Variants in ACO1 observed in about 807,000 individuals in gnomAD.
ACO1 encodes the protein cytoplasmic aconitate hydratase.
Under a neutral mutation model 105.1 loss-of-function variants are expected in ACO1, and 78 were observed. That is an observed-to-expected ratio of 0.74 (90% confidence interval 0.62 to 0.90). The LOEUF (loss-of-function observed/expected upper bound fraction) is 0.90. ACO1 is among the 40% of genes least tolerant of loss of function. The pLI, the probability that ACO1 is intolerant of heterozygous loss-of-function variation, is 0.00. For synonymous variants in ACO1, 364 were observed against 397.4 expected (o/e 0.92, Z 1.00); for missense variants, 965 against 1,111.1 (o/e 0.87, Z 1.87).
In ACO1 at chr9:32,445,010, G is replaced by A. The variant is rs567786431; in HGVS notation, c.2371-3886G>A. ...AGCTTTTTGATATGCTGCTGGATTCGGTTTTCCAGTATTTTATTGAGGATT... is the reference window on the plus strand; with the variant it reads ...AGCTTTTTGATATGCTGCTGGATTCAGTTTTCCAGTATTTTATTGAGGATT... On this transcript the variant is annotated intron_variant, in intron 19 of 20. Transcript: ENST00000309951. Among the ~76,000 whole-genome samples, 17 of 152,238 alleles carry A rather than the reference G, an allele frequency of 1.1e-4. No homozygotes were observed. The East Asian group carries it at 1.7e-3, about 16-fold the overall frequency.
At chr9:32,443,532 T>G (rs1197490129) in intron 19 of ACO1, among the ~76,000 whole-genome samples, 1 of 152,188 alleles carries the variant, frequency 6.6e-6, no homozygotes, top group African/African-American at 2.4e-5. Flanking sequence ...AATAAAAAGT[T>G]TACTTAAAGC....
At chr9:32,402,080 A>T (rs943587461) in intron 1 of ACO1, among the ~76,000 whole-genome samples, 5 of 152,224 alleles carry the variant, frequency 3.3e-5, no homozygotes, top group Admixed American at 3.3e-4. Flanking sequence ...GTGGCCAGGG[A>T]CAAGTGTTCA....
At chr9:32,448,580 C>G (rs1273109717) in intron 19 of ACO1, among the ~76,000 whole-genome samples, 1 of 152,202 alleles carries the variant, frequency 6.6e-6, no homozygotes, top group African/African-American at 2.4e-5. Context: ...CTGGTACAGT[C>G]TCTCATGGCT....
intron 20 of ACO1, 61 bp from the exon 21 acceptor site, chr9:32,449,937 C>A: frequency 7.2e-7 from 1 of 1,384,622 alleles, no homozygotes; most frequent in Non-Finnish European, 1.0e-6. Flanking sequence ...GGCAGAATTT[C>A]CTCCGAGCAG....
chr9:32,405,564 A>G lies in ACO1; in HGVS notation c.58A>G (p.Lys20Glu), dbSNP rs762827228. Reference protein sequence around the residue: ...EPLDPVQPGKKFFNLNKLEDS... With the variant: ...EPLDPVQPGKEFFNLNKLEDS... ...ATTGGATCCTGTACAACCAGGAAAGAAATTCTTCAATTTGAATAAATTGGA... is the reference window on the plus strand; with the variant it reads ...ATTGGATCCTGTACAACCAGGAAAGGAATTCTTCAATTTGAATAAATTGGA... Residue 20 changes from lysine (K) to glutamate (E), a missense_variant, in exon 2 of 21, where the codon AAA becomes GAA. Physicochemically the swap from Lys to Glu is moderately conservative, Grantham distance 56. Transcript: ENST00000309951. The G allele has an allele frequency of 6.2e-7, 1 of 1,613,974 alleles. No homozygotes were observed. The highest frequency in any genetic ancestry group is 8.5e-7 in the Non-Finnish European group (1 of 1,179,942).
intron 7 of ACO1, among the ~76,000 whole-genome samples, chr9:32,420,348 C>G (rs766345466): frequency 6.6e-6 from 1 of 152,180 alleles, no homozygotes; most frequent in Non-Finnish European, 1.5e-5. Context: ...CACTTCCAGA[C>G]GCTTCCAATG....
At chr9:32,412,660 T>C (rs1438916694) in intron 4 of ACO1, among the ~76,000 whole-genome samples, 1 of 152,214 alleles carries the variant, frequency 6.6e-6, no homozygotes, top group East Asian at 1.9e-4. Context: ...TCTGAACCTG[T>C]CCTAAGGCAA....
chr9:32,414,226 C>T (rs1247814842), intron 4 of ACO1, among the ~76,000 whole-genome samples: 1 of 152,168 alleles, frequency 6.6e-6, no homozygotes, highest in African/African-American at 2.4e-5. Context: ...TAATACTGTC[C>T]GTGAATTTCT....
At chr9:32,395,363 C>G (rs750879432) in intron 1 of ACO1, among the ~76,000 whole-genome samples, 1 of 152,118 alleles carries the variant, frequency 6.6e-6, no homozygotes, top group Non-Finnish European at 1.5e-5. Flanking sequence ...GTAATCCCAG[C>G]GACTCCAGAG....
At chr9:32,434,794 A>G in intron 17 of ACO1, 93 bp downstream of exon 17, 1 of 1,469,768 alleles carries the variant, frequency 6.8e-7, no homozygotes, top group Non-Finnish European at 9.3e-7. Context: ...GCCCTTTGGA[A>G]TGAGACTCTT....
In ACO1 at chr9:32,401,813, C is replaced by T. The variant is rs142199289; in HGVS notation, c.-22-3672C>T. ...ATATTTGTTATTTTTTAGTGACCTA[C>T]TTTAAAAATCTGGTGTTCAGACTGT... On this transcript the variant is annotated intron_variant, in intron 1 of 20. Coordinates refer to ENST00000309951, the MANE Select transcript of ACO1 (RefSeq NM_002197.3). Among the ~76,000 whole-genome samples the T allele has an allele frequency of 4.8e-4, 73 of 152,330 alleles. No homozygotes were observed. In the East Asian group the frequency reaches 0.013, roughly 27 times the overall value.
intron 1 of ACO1, among the ~76,000 whole-genome samples, chr9:32,398,422 G>T (rs1396160676): frequency 6.6e-6 from 1 of 152,116 alleles, no homozygotes; most frequent in African/African-American, 2.4e-5. Context: ...CAGCTGGGTG[G>T]GTGTATGGGC....
intron 10 of ACO1, 99 bp downstream of exon 10, chr9:32,424,764 T>C (rs1380509850): frequency 1.2e-6 from 1 of 801,290 alleles, no homozygotes; most frequent in African/African-American, 1.7e-5. Flanking sequence ...AATCTTCCTG[T>C]AGCCTGAAGC....
At chr9:32,433,912 T>G in intron 16 of ACO1, 80 bp downstream of exon 16, 2 of 1,176,340 alleles carry the variant, frequency 1.7e-6, no homozygotes, top group South Asian at 1.5e-5. Flanking sequence ...TACCCCATGC[T>G]CTTGCTTTGA....
At chr9:32,414,379 G>A (rs374574931) in intron 4 of ACO1, among the ~76,000 whole-genome samples, 28 of 152,076 alleles carry the variant, frequency 1.8e-4, no homozygotes, top group East Asian at 9.7e-4. Context: ...ACTAATTTAG[G>A]GAAGTTCTGA....
chr9:32,436,415 C>T lies in ACO1; in HGVS notation c.2247+18C>T, dbSNP rs370216284. On this transcript the variant is annotated intron_variant, in intron 18 of 20. Transcript: ENST00000309951. ...GGGAAATCGTGAGTATTGTCTTCTG[C>T]TTCCTGCAGACACTAGCATTTGTCA... 4.3e-5 allele frequency: 69 copies of T among 1,611,770 alleles called. No homozygotes were observed. The African/African-American group carries it at 6.7e-4, about 16-fold the overall frequency.
Position 32,452,630 on chromosome 9 carries a change from T to C in ACO1, c.*2519T>C, listed in dbSNP as rs1822792728. On this transcript the variant is annotated 3_prime_UTR_variant, in exon 21 of 21. Coordinates refer to ENST00000309951, the MANE Select transcript of ACO1 (RefSeq NM_002197.3). ...ATTATTGTGGCTAGACTAATGGAAT[T>C]GGGTCCCTTACCTCCAAGTACACCC... 1 of 152,030 alleles carries C rather than the reference T, an allele frequency of 6.6e-6. No individual in the cohort carries two copies. The highest frequency in any genetic ancestry group is 1.9e-4 in the East Asian group (1 of 5,174). 9.4% of individuals were successfully genotyped at this position (152,030 alleles called of 1,614,324 possible). A position where few individuals can be genotyped will look rare whatever the true frequency, so the allele number is the denominator to read the frequency against.
At chr9:32,445,536 T>C (rs763528608) in intron 19 of ACO1, 25 of 254,376 alleles carry the variant, frequency 9.8e-5, no homozygotes, top group South Asian at 8.8e-4. Context: ...GCAGTCTGTT[T>C]TGTTGATCTT....
At position 32,431,775 on chromosome 9, in the gene ACO1, G is replaced by A. The variant is rs760311892; in HGVS notation, c.1783G>A (p.Glu595Lys). 6 of 1,614,146 alleles carry A rather than the reference G, an allele frequency of 3.7e-6. No homozygotes were observed. The highest frequency in any genetic ancestry group is 3.3e-5 in the South Asian group (3 of 91,080). The change falls in exon 15 of 21, where the codon GAG (glutamate) becomes AAG (lysine). Residue 595 changes from glutamate (E) to lysine (K), a missense_variant. Physicochemically the swap from Glu to Lys is moderately conservative, Grantham distance 56. Coordinates refer to ENST00000309951, the MANE Select transcript of ACO1 (RefSeq NM_002197.3). Reference protein sequence around the residue: ...FLKDIWPTRDEIQAVERQYVI... With the variant: ...FLKDIWPTRDKIQAVERQYVI... ...GAAAGATATCTGGCCGACTAGAGAC[G>A]AGATCCAGGCAGTGGAGCGTCAGTA...
Sources: allele counts gnomAD v4.1 joint callset (sites outside exome capture counted in the v4.1 genomes callset), GRCh38; gene constraint gnomAD v4.1.1; transcripts MANE v1.5; gene names NCBI Gene and HGNC (gene_info 2026-07-23, HGNC 2026-07-21).